Variants in GLCE observed in about 807,000 individuals in gnomAD.
GLCE encodes the protein D-glucuronyl C5-epimerase.
In GLCE, 19 loss-of-function variants were observed where a neutral mutation model predicts 47.9. That is an observed-to-expected ratio of 0.40 (90% CI 0.28 to 0.58). The LOEUF is 0.58. Among genes scored for constraint, GLCE ranks in the 20% least tolerant of loss-of-function variants. GLCE has a pLI of 0.48. For missense variants in GLCE, 556 were observed against 743.3 expected (o/e 0.75, Z 2.93); for synonymous variants, 245 against 263.4 (o/e 0.93, Z 0.68).
chr15:69,264,872 T>C (rs1041477975), intron 4 of GLCE, among the ~76,000 whole-genome samples: 1 of 152,192 alleles, frequency 6.6e-6, no homozygotes, highest in African/African-American at 2.4e-5. Flanking sequence ...GATCATTTGC[T>C]TATTTTTTAA....
intron 2 of GLCE, among the ~76,000 whole-genome samples, chr15:69,229,340 G>A (rs2052489282): frequency 6.6e-6 from 1 of 152,182 alleles, no homozygotes. Flanking sequence ...TAGAACAAAT[G>A]AAGTGAGCCC....
intron 1 of GLCE, among the ~76,000 whole-genome samples, chr15:69,206,717 C>G (rs977009285): frequency 3.3e-5 from 5 of 151,848 alleles, no homozygotes; most frequent in Non-Finnish European, 5.9e-5. Flanking sequence ...TATATTTTCT[C>G]TGCCCTACCC....
At chr15:69,207,650 C>G (rs1181692177) in intron 1 of GLCE, among the ~76,000 whole-genome samples, 3 of 151,956 alleles carry the variant, frequency 2.0e-5, no homozygotes, top group East Asian at 3.9e-4. Flanking sequence ...ATCCATTCAC[C>G]CGGACATTTT....
chr15:69,165,663 T>C (rs1161841219), intron 1 of GLCE, among the ~76,000 whole-genome samples: 1 of 152,154 alleles, frequency 6.6e-6, no homozygotes, highest in Non-Finnish European at 1.5e-5. Flanking sequence ...TTGTGTTTAC[T>C]AATGTGTTGT....
chr15:69,250,767 A>T (rs2140432232), intron 2 of GLCE, among the ~76,000 whole-genome samples: 1 of 151,404 alleles, frequency 6.6e-6, no homozygotes, highest in East Asian at 2.0e-4. Context: ...CCCAGTCCCA[A>T]GTAGCTGGGA....
At chr15:69,232,999 G>T (rs1230376364) in intron 2 of GLCE, among the ~76,000 whole-genome samples, 3 of 152,128 alleles carry the variant, frequency 2.0e-5, no homozygotes, top group Non-Finnish European at 4.4e-5. Flanking sequence ...ACACAATTGA[G>T]AAACAGTTTT....
At chr15:69,161,153 G>T (rs2051412893) in intron 1 of GLCE, among the ~76,000 whole-genome samples, 2 of 152,042 alleles carry the variant, frequency 1.3e-5, no homozygotes, top group African/African-American at 4.8e-5. Context: ...TTTTACCCGG[G>T]TCCCGAGCTC....
chr15:69,169,353 A>G (rs1336369615), intron 1 of GLCE, among the ~76,000 whole-genome samples: 8 of 152,238 alleles, frequency 5.3e-5, no homozygotes, highest in African/African-American at 1.9e-4. Context: ...CTTCATTTAA[A>G]TATATAATAA....
intron 1 of GLCE, among the ~76,000 whole-genome samples, chr15:69,178,201 G>C (rs1376929631): frequency 1.3e-5 from 2 of 152,114 alleles, no homozygotes; most frequent in African/African-American, 2.4e-5. Context: ...AATACACAAA[G>C]AGATCTTGTA....
intron 2 of GLCE, among the ~76,000 whole-genome samples, chr15:69,219,257 C>T (rs2052348546): frequency 6.6e-6 from 1 of 151,934 alleles, no homozygotes; most frequent in Non-Finnish European, 1.5e-5. Context: ...CAATAAAATA[C>T]ATAACATGTT....
At chr15:69,186,953 A>G (rs2051833203) in intron 1 of GLCE, among the ~76,000 whole-genome samples, 1 of 152,318 alleles carries the variant, frequency 6.6e-6, no homozygotes. Context: ...GTTATTACCA[A>G]AAGAGATAGC....
chr15:69,246,622 A>T (rs952399130), intron 2 of GLCE, among the ~76,000 whole-genome samples: 6 of 152,044 alleles, frequency 3.9e-5, no homozygotes, highest in African/African-American at 1.4e-4. Context: ...AGGCTGAGGC[A>T]GAAGAATCGC....
chr15:69,240,283 CAAAAAAAAAAAAAAAA>C (rs545688611), intron 2 of GLCE, among the ~76,000 whole-genome samples: 1 of 18,422 alleles, frequency 5.4e-5, no homozygotes. Context: ...GACTCCGTCT[CAAAAAAAAAAAAAAAA>C]AAAAAAAAAA....
chr15:69,264,462 A>C (rs1199722498), intron 4 of GLCE, among the ~76,000 whole-genome samples: 1 of 152,252 alleles, frequency 6.6e-6, no homozygotes, highest in Non-Finnish European at 1.5e-5. Context: ...GGTTGCTCCC[A>C]TGCCTTGGCT....
intron 1 of GLCE, among the ~76,000 whole-genome samples, chr15:69,191,379 A>T (rs894416971): frequency 6.6e-6 from 1 of 152,192 alleles, no homozygotes; most frequent in Non-Finnish European, 1.5e-5. Context: ...CTTAGCATAT[A>T]GTCAAACTCA....
intron 1 of GLCE, among the ~76,000 whole-genome samples, chr15:69,186,834 A>G (rs924626552): frequency 4.6e-5 from 7 of 152,204 alleles, no homozygotes; most frequent in Non-Finnish European, 7.4e-5. Flanking sequence ...TATGACAGAT[A>G]CATTTATTCA....
intron 2 of GLCE, among the ~76,000 whole-genome samples, chr15:69,253,823 A>G (rs1037004719): frequency 1.7e-4 from 26 of 152,226 alleles, no homozygotes; most frequent in African/African-American, 6.3e-4. Flanking sequence ...AACAGACTGA[A>G]ATCAAACCCC....
At chr15:69,173,164 T>G (rs2051612624) in intron 1 of GLCE, among the ~76,000 whole-genome samples, 1 of 152,244 alleles carries the variant, frequency 6.6e-6, no homozygotes, top group Non-Finnish European at 1.5e-5. Flanking sequence ...AACAGTTGAT[T>G]ATTCTTTTCT....
intron 1 of GLCE, among the ~76,000 whole-genome samples, chr15:69,209,050 G>A (rs970447199): frequency 6.6e-6 from 1 of 151,710 alleles, no homozygotes; most frequent in South Asian, 2.1e-4. Flanking sequence ...GTCTTGATTC[G>A]GCTATTGAGC....
Sources: allele counts gnomAD v4.1 joint callset (sites outside exome capture counted in the v4.1 genomes callset), GRCh38; gene constraint gnomAD v4.1.1; transcripts MANE v1.5; gene names NCBI Gene and HGNC (gene_info 2026-07-23, HGNC 2026-07-21).